The following GLCCI1 variants were observed in gnomAD, a reference collection of about 807,000 sequenced individuals.
GLCCI1 encodes glucocorticoid induced 1.
Under a neutral mutation model 52.2 loss-of-function variants are expected in GLCCI1, and 24 were observed. That is an observed-to-expected ratio of 0.46 (90% CI 0.33 to 0.65). The LOEUF is 0.65. Ranked by LOEUF, GLCCI1 falls within the 30% of genes least tolerant of loss-of-function variation. The pLI, the probability that GLCCI1 is intolerant of heterozygous loss-of-function variation, is 0.02. For synonymous variants in GLCCI1, 310 were observed against 276.5 expected, an observed-to-expected ratio of 1.12 and a Z score of -1.20; for missense variants, 704 against 701.5, an observed-to-expected ratio of 1.00 and a Z score of -0.04.
chr7:8,047,442 A>G (rs541772417), intron 3 of GLCCI1, among the ~76,000 whole-genome samples: 1 of 152,238 alleles, frequency 6.6e-6, no homozygotes, highest in Non-Finnish European at 1.5e-5. Context: ...GGAAATAAGG[A>G]TTTAATGAAT....
At chr7:7,998,446 C>T (rs752021083) in intron 1 of GLCCI1, among the ~76,000 whole-genome samples, 18 of 152,198 alleles carry the variant, frequency 1.2e-4, no homozygotes, top group Non-Finnish European at 2.5e-4. Context: ...AATCTCCTGA[C>T]CTCAGGTCAT....
chr7:8,075,123 A>G (rs1429006799), intron 6 of GLCCI1, among the ~76,000 whole-genome samples: 1 of 152,228 alleles, frequency 6.6e-6, no homozygotes, highest in African/African-American at 2.4e-5. Context: ...TTTGAGACCT[A>G]TAAAATAATT....
At chr7:8,005,852 G>A (rs1312988572) in intron 2 of GLCCI1, among the ~76,000 whole-genome samples, 1 of 151,940 alleles carries the variant, frequency 6.6e-6, no homozygotes, top group Non-Finnish European at 1.5e-5. Context: ...AGGCTGGAGT[G>A]CAATGGTGTG....
chr7:8,017,424 A>C (rs537336356), intron 2 of GLCCI1, among the ~76,000 whole-genome samples: 1 of 152,316 alleles, frequency 6.6e-6, no homozygotes, highest in South Asian at 2.1e-4. Flanking sequence ...CTGGTTTTCA[A>C]ACTTTAGAAT....
intron 1 of GLCCI1, among the ~76,000 whole-genome samples, chr7:7,996,091 T>A (rs1780932348): frequency 6.6e-6 from 1 of 152,200 alleles, no homozygotes; most frequent in Admixed American, 6.5e-5. Context: ...GAAGTTAAAT[T>A]CACAGAATTT....
At chr7:7,974,675 T>C (rs1383326326) in intron 1 of GLCCI1, among the ~76,000 whole-genome samples, 1 of 152,208 alleles carries the variant, frequency 6.6e-6, no homozygotes. Flanking sequence ...TTTTCCTTAG[T>C]CTGAAATTTT....
intron 3 of GLCCI1, among the ~76,000 whole-genome samples, chr7:8,037,531 A>G (rs149448670): frequency 1.1e-3 from 162 of 152,326 alleles, no homozygotes; most frequent in African/African-American, 3.7e-3. Context: ...TGATAGGAAC[A>G]AAACCTCACA....
In GLCCI1 at chr7:8,006,532, CATTT is replaced by C. The variant is rs1405752976; in HGVS notation, c.609+2475_609+2478del. 4.6e-5 allele frequency among the ~76,000 whole-genome samples: 7 copies of C among 152,280 alleles called. No homozygotes were observed. The East Asian group carries it at 1.3e-3, about 29-fold the overall frequency. On this transcript the variant is annotated intron_variant, in intron 2 of 7. Transcript: ENST00000223145. ...GTAAATTTGGCAAATACTATATACA[CATTT>C]AAGTTAGTAGTAGTATATGTAGACA...
At chr7:7,985,872 G>A (rs1270124692) in intron 1 of GLCCI1, among the ~76,000 whole-genome samples, 2 of 152,160 alleles carry the variant, frequency 1.3e-5, no homozygotes, top group African/African-American at 4.8e-5. Flanking sequence ...TAATTTTTGA[G>A]TGGAAGATTA....
At chr7:7,998,283 C>T (rs1167361505) in intron 1 of GLCCI1, among the ~76,000 whole-genome samples, 1 of 151,578 alleles carries the variant, frequency 6.6e-6, no homozygotes, top group Non-Finnish European at 1.5e-5. Flanking sequence ...GTGGCGTGAT[C>T]TTGGCTCACT....
intron 3 of GLCCI1, among the ~76,000 whole-genome samples, chr7:8,044,038 G>A (rs1183426510): frequency 4.6e-5 from 7 of 151,586 alleles, no homozygotes; most frequent in Middle Eastern, 3.4e-3. Context: ...TCCGCCTCCC[G>A]GGTTCACACC....
chr7:8,059,140 A>G (rs1432085017), intron 4 of GLCCI1, among the ~76,000 whole-genome samples: 1 of 152,198 alleles, frequency 6.6e-6, no homozygotes, highest in African/African-American at 2.4e-5. Context: ...GTCGACCCAC[A>G]CAGGTCAAAC....
At chr7:8,022,610 C>A (rs749080477) in intron 3 of GLCCI1, 41 bp downstream of exon 3, 3 of 1,280,812 alleles carry the variant, frequency 2.3e-6, no homozygotes, top group Non-Finnish European at 3.3e-6. Context: ...TGTTTTGGTC[C>A]TAGTAGATTA....
At chr7:7,987,779 T>G (rs1275410764) in intron 1 of GLCCI1, among the ~76,000 whole-genome samples, 1 of 152,108 alleles carries the variant, frequency 6.6e-6, no homozygotes, top group African/African-American at 2.4e-5. Flanking sequence ...TTTATTTTTT[T>G]TAGAAATGGG....
intron 1 of GLCCI1, among the ~76,000 whole-genome samples, chr7:7,987,208 C>T (rs1780753763): frequency 6.6e-6 from 1 of 152,200 alleles, no homozygotes; most frequent in Non-Finnish European, 1.5e-5. Context: ...AAACTGAACT[C>T]ACTTTCTTTG....
chr7:7,995,250 A>C (rs1447382777), intron 1 of GLCCI1, among the ~76,000 whole-genome samples: 1 of 152,174 alleles, frequency 6.6e-6, no homozygotes, highest in African/African-American at 2.4e-5. Flanking sequence ...TTGACCAGTA[A>C]TATTAGTTAG....
intron 6 of GLCCI1, among the ~76,000 whole-genome samples, chr7:8,083,063 A>T (rs1322931804): frequency 2.6e-5 from 4 of 152,186 alleles, no homozygotes; most frequent in Admixed American, 2.6e-4. Flanking sequence ...AGGCTAAGTT[A>T]TGTCCAGCAG....
chr7:8,040,333 G>T (rs1781970834), intron 3 of GLCCI1, among the ~76,000 whole-genome samples: 1 of 151,860 alleles, frequency 6.6e-6, no homozygotes, highest in South Asian at 2.1e-4. Flanking sequence ...AAAAAATACA[G>T]AAGTTAGCTG....
At position 7,987,243 on chromosome 7, in the gene GLCCI1, C is replaced by T. The variant is rs535374623; in HGVS notation, c.458-16665C>T. 1.4e-4 allele frequency among the ~76,000 whole-genome samples: 21 copies of T among 152,290 alleles called. No individual in the cohort carries two copies. The South Asian group carries it at 3.9e-3, about 29-fold the overall frequency. On this transcript the variant is annotated intron_variant, in intron 1 of 7. Coordinates refer to ENST00000223145, the MANE Select transcript of GLCCI1 (RefSeq NM_138426.4). ...GGGTATATTTTTCCTGTCAGGAATA[C>T]TTGTGCCTCTAATATACATGATTTT...
Sources: allele counts gnomAD v4.1 joint callset (sites outside exome capture counted in the v4.1 genomes callset), GRCh38; gene constraint gnomAD v4.1.1; transcripts MANE v1.5; gene names NCBI Gene and HGNC (gene_info 2026-07-23, HGNC 2026-07-21).